Variants in PLAGL1 observed in about 807,000 individuals in gnomAD.
The protein encoded by PLAGL1 is PLAG1 like zinc finger 1.
A neutral mutation model predicts 4.6 loss-of-function variants in PLAGL1; 1 was observed. The ratio of observed to expected loss-of-function variants is 0.22; its 90% CI spans 0.08 to 1.03. The LOEUF is 1.03. PLAGL1 is among the 50% of genes least tolerant of loss of function. The pLI, the probability that PLAGL1 is intolerant of heterozygous loss-of-function variation, is 0.58. For synonymous variants in PLAGL1, 240 were observed against 237.8 expected (o/e 1.01, Z -0.08); for missense variants, 464 against 570.4 (o/e 0.81, Z 1.90).
chr6:143,959,798 C>T lies in PLAGL1; in HGVS notation c.-325+671G>A, dbSNP rs1342363907. ...AACGCCTAGCACAGAGTGAGTGCCC[C>T]AAAGGCATTAGCTTCTATTAATATC... On this transcript the variant is annotated intron_variant, in intron 6 of 7. Transcript: ENST00000674357. The surrounding 1 kb of genome is among the most constrained non-coding windows in gnomAD (Gnocchi z 5.3). Among the ~76,000 whole-genome samples, 1 of 152,176 alleles carries T rather than the reference C, an allele frequency of 6.6e-6. No individual in the cohort carries two copies. Among genetic ancestry groups the T allele is most frequent in the African/African-American group, 2.4e-5 (1 of 41,434 alleles).
intron 1 of PLAGL1, among the ~76,000 whole-genome samples, chr6:144,029,006 A>T (rs1023570505): frequency 2.0e-5 from 3 of 152,180 alleles, no homozygotes; most frequent in Non-Finnish European, 4.4e-5. Flanking sequence ...ACTTGAACAA[A>T]CATAATCCCA....
Position 143,964,023 on chromosome 6 carries a change from GAGA to G in PLAGL1, c.-399+761_-399+763del, listed in dbSNP as rs920854638. Among the ~76,000 whole-genome samples, 46 of 152,274 alleles carry G rather than the reference GAGA, an allele frequency of 3.0e-4. No individual in the cohort carries two copies. Among genetic ancestry groups the G allele is most frequent in the African/African-American group, 8.4e-4 (35 of 41,542 alleles). The stretch of plus-strand genomic sequence containing the variant: ...AAATTCTGCTGGACTTCTGGGAGGC[GAGA>G]AGGAGAAGCAGAGGAGAAGCTGCCA... On this transcript the variant is annotated intron_variant, in intron 5 of 7. Transcript: ENST00000674357. This position sits in a 1 kb window ranked among gnomAD's most constrained non-coding sequence, Gnocchi z 4.3.
chr6:144,046,694 T>C (rs1037201793), intron 1 of PLAGL1, among the ~76,000 whole-genome samples: 17 of 152,210 alleles, frequency 1.1e-4, no homozygotes, highest in African/African-American at 4.1e-4. Context: ...GCTCAAACAC[T>C]GTGCTGGGAG....
chr6:144,053,788 T>TA lies in PLAGL1; in HGVS notation c.-151+10679dup, dbSNP rs752915262. Among the ~76,000 whole-genome samples the TA allele has an allele frequency of 6.6e-6, 1 of 152,316 alleles. No homozygotes were observed. Among genetic ancestry groups the TA allele is most frequent in the Non-Finnish European group, 1.5e-5 (1 of 68,024 alleles). Reference sequence around the variant, plus strand: ...TATTCTTGCCCAGTGAACATAGTTATAACCTCGAGATCCTTATCAGCACAT... The same window carrying TA: ...TATTCTTGCCCAGTGAACATAGTTATAAACCTCGAGATCCTTATCAGCACAT... On this transcript the variant is annotated intron_variant, in intron 1 of 3. Coordinates refer to the PLAGL1 transcript ENST00000437412. This position sits in a 1 kb window ranked among gnomAD's most constrained non-coding sequence, Gnocchi z 4.0.
rs938666403 is a variant in PLAGL1 at position 143,975,935 on chromosome 6, G to A, written c.-543-6957C>T. ...CACACAGGGATATCTGTTGTCTGTA[G>A]ATAGTGCTTTCATGTTTTCAAAGAA... is the stretch of plus-strand genomic sequence containing the variant. On this transcript the variant is annotated intron_variant, in intron 2 of 7. Transcript: ENST00000674357. The surrounding 1 kb of genome is among the most constrained non-coding windows in gnomAD (Gnocchi z 5.8). Among the ~76,000 whole-genome samples the A allele has an allele frequency of 6.6e-6, 1 of 152,192 alleles. No individual in the cohort carries two copies. Among genetic ancestry groups the A allele is most frequent in the Non-Finnish European group, 1.5e-5 (1 of 68,038 alleles).
At position 143,995,292 on chromosome 6, in the gene PLAGL1, T is replaced by C. The variant is rs1462919579; in HGVS notation, c.-583-10118A>G. On this transcript the variant is annotated intron_variant, in intron 1 of 7. Coordinates refer to ENST00000674357, the MANE Select transcript of PLAGL1 (RefSeq NM_001317162.2). This position sits in a 1 kb window ranked among gnomAD's most constrained non-coding sequence, Gnocchi z 4.4. ...TAAACTTCAGTATTATGCAGATTAT[T>C]TGTATGCACGTATCAAGCTACCCTT... Among the ~76,000 whole-genome samples the C allele has an allele frequency of 6.6e-6, 1 of 152,220 alleles. No individual in the cohort carries two copies. Among genetic ancestry groups the C allele is most frequent in the African/African-American group, 2.4e-5 (1 of 41,458 alleles).
chr6:144,015,429 A>G lies in PLAGL1; in HGVS notation c.-150-46451T>C, dbSNP rs995368138. ...AATGACCCTAAAAGAATAAACTGGCAATTGGATTTTACTAAAATAAAACCT... is the reference window on the plus strand; with the variant it reads ...AATGACCCTAAAAGAATAAACTGGCGATTGGATTTTACTAAAATAAAACCT... On this transcript the variant is annotated intron_variant, in intron 1 of 3. Transcript: ENST00000437412. This position sits in a 1 kb window ranked among gnomAD's most constrained non-coding sequence, Gnocchi z 4.3. Among the ~76,000 whole-genome samples, 7 of 152,210 alleles carry G rather than the reference A, an allele frequency of 4.6e-5. No individual in the cohort carries two copies. The highest frequency in any genetic ancestry group is 1.0e-4 in the Non-Finnish European group (7 of 68,032).
At chr6:144,033,965 G>T (rs1797026271) in intron 1 of PLAGL1, among the ~76,000 whole-genome samples, 1 of 152,152 alleles carries the variant, frequency 6.6e-6, no homozygotes, top group African/African-American at 2.4e-5. Context: ...GAATGTAGAA[G>T]AACCCAAATA....
At chr6:143,944,719 A>G (rs936506636) in intron 7 of PLAGL1, among the ~76,000 whole-genome samples, 3 of 151,316 alleles carry the variant, frequency 2.0e-5, no homozygotes, top group East Asian at 1.9e-4. Flanking sequence ...CCATATGTAT[A>G]TATATATATA....
intron 7 of PLAGL1, among the ~76,000 whole-genome samples, chr6:143,944,771 C>T (rs559181764): frequency 2.4e-4 from 34 of 143,078 alleles, no homozygotes; most frequent in Admixed American, 1.5e-3. Context: ...CTTACACACT[C>T]AGTATTTAAA....
chr6:144,032,017 T>C (rs1290826041), intron 1 of PLAGL1, among the ~76,000 whole-genome samples: 2 of 152,154 alleles, frequency 1.3e-5, no homozygotes, highest in African/African-American at 4.8e-5. Context: ...GTGTCATCTA[T>C]GATTTCTTTC....
intron 1 of PLAGL1, among the ~76,000 whole-genome samples, chr6:144,014,351 A>T (rs1583704354): frequency 1.3e-5 from 2 of 151,924 alleles, no homozygotes; most frequent in East Asian, 3.9e-4. Context: ...AATTGCTTTA[A>T]CCTTAAGGTG....
intron 1 of PLAGL1, among the ~76,000 whole-genome samples, chr6:144,040,988 T>C (rs973403099): frequency 6.6e-6 from 1 of 152,076 alleles, no homozygotes; most frequent in Non-Finnish European, 1.5e-5. Flanking sequence ...AGAGAGAATA[T>C]AGTAGTTAGA....
chr6:144,027,582 T>C lies in PLAGL1; in HGVS notation c.-151+36886A>G, dbSNP rs1288210947. 2.0e-5 allele frequency among the ~76,000 whole-genome samples: 3 copies of C among 152,160 alleles called. No homozygotes were observed. The highest frequency in any genetic ancestry group is 6.6e-5 in the Admixed American group (1 of 15,266). On this transcript the variant is annotated intron_variant, in intron 1 of 3. Coordinates refer to the PLAGL1 transcript ENST00000437412. The surrounding 1 kb of genome is among the most constrained non-coding windows in gnomAD (Gnocchi z 5.8). ...CATCCTCCAGCACCAACTGCACCCA[T>C]GGAAAAGAACCTATAAAAGCACCAC...
In PLAGL1 at chr6:143,948,796, A is replaced by AAACG. The variant is rs60686744; in HGVS notation, c.-324-337_-324-336insCGTT. On this transcript the variant is annotated intron_variant, in intron 6 of 7. Coordinates refer to ENST00000674357, the MANE Select transcript of PLAGL1 (RefSeq NM_001317162.2). The surrounding 1 kb of genome is among the most constrained non-coding windows in gnomAD (Gnocchi z 6.0). Reference sequence around the variant, plus strand: ...AACAACAACAACAACAACAACAAACAAAAACCTCCCTCCCTCAGTGTGTTC... The same window carrying AAACG: ...AACAACAACAACAACAACAACAAACAAACGAAAACCTCCCTCCCTCAGTGTGTTC... Among the ~76,000 whole-genome samples the AAACG allele has an allele frequency of 0.32, 48,672 of 151,470 alleles. 7,965 individuals carry two copies. The highest frequency in any genetic ancestry group is 0.4 in the Admixed American group (6,094 of 15,226).
In PLAGL1 at chr6:143,982,278, G is replaced by C. The variant is rs9376803; in HGVS notation, c.-544+2857C>G. On this transcript the variant is annotated intron_variant, in intron 2 of 7. Transcript: ENST00000674357. The surrounding 1 kb of genome is among the most constrained non-coding windows in gnomAD (Gnocchi z 5.3). Reference sequence around the variant, plus strand: ...CATGGGTGAGAGGATGACAATTTAGGGAGGATCTGAAGGAGGTAAGGATGT... The same window carrying C: ...CATGGGTGAGAGGATGACAATTTAGCGAGGATCTGAAGGAGGTAAGGATGT... Among the ~76,000 whole-genome samples, 80,381 of 151,912 alleles carry C rather than the reference G, an allele frequency of 0.53. 22,872 individuals carry two copies. Among genetic ancestry groups the C allele is most frequent in the East Asian group, 0.72 (3,716 of 5,162 alleles).
chr6:143,989,137 G>A lies in PLAGL1; in HGVS notation c.-583-3963C>T, dbSNP rs1278687767. On this transcript the variant is annotated intron_variant, in intron 1 of 7. Transcript: ENST00000674357. The surrounding 1 kb of genome is among the most constrained non-coding windows in gnomAD (Gnocchi z 4.8). ...GCATACCTCAGGGATAACTTGGAAAGCCCAGATAGGCAGCTCAGTGTGTCT... is the reference window on the plus strand; with the variant it reads ...GCATACCTCAGGGATAACTTGGAAAACCCAGATAGGCAGCTCAGTGTGTCT... Among the ~76,000 whole-genome samples the A allele has an allele frequency of 1.3e-5, 2 of 152,212 alleles. No homozygotes were observed. The highest frequency in any genetic ancestry group is 4.1e-4 in the South Asian group (2 of 4,832).
chr6:143,969,627 A>G (rs1161774033), intron 2 of PLAGL1, among the ~76,000 whole-genome samples: 3 of 151,998 alleles, frequency 2.0e-5, no homozygotes, highest in Non-Finnish European at 4.4e-5. Flanking sequence ...TCTACCAAAA[A>G]AAAAAAAATT....
chr6:143,993,858 GACAA>G (rs1425154733), intron 1 of PLAGL1, among the ~76,000 whole-genome samples: 4 of 152,248 alleles, frequency 2.6e-5, no homozygotes, highest in African/African-American at 9.6e-5. Context: ...ATTGACTGGA[GACAA>G]ACAGATAAGA....
Sources: allele counts gnomAD v4.1 joint callset (sites outside exome capture counted in the v4.1 genomes callset), GRCh38; gene constraint gnomAD v4.1.1; non-coding constraint Gnocchi (gnomAD v3.1); transcripts MANE v1.5; gene names NCBI Gene and HGNC (gene_info 2026-07-23, HGNC 2026-07-21).